Variants in SIPA1L1 observed in about 807,000 individuals in gnomAD.
SIPA1L1 encodes the protein signal-induced proliferation-associated 1-like protein 1.
A neutral mutation model predicts 162.7 loss-of-function variants in SIPA1L1; 26 were observed. The ratio of observed to expected loss-of-function variants is 0.16; its 90% confidence interval spans 0.12 to 0.22. The LOEUF is 0.22. Among genes scored for constraint, SIPA1L1 ranks in the 10% least tolerant of loss-of-function variants. The pLI, the probability that SIPA1L1 is intolerant of heterozygous loss-of-function variation, is 1.00. For synonymous variants in SIPA1L1, 829 were observed against 837.4 expected (o/e 0.99, Z 0.17); for missense variants, 1,874 against 2,241.0 (o/e 0.84, Z 3.31).
chr14:71,391,374 G>C (rs993896378), intron 2 of SIPA1L1, among the ~76,000 whole-genome samples: 1 of 152,100 alleles, frequency 6.6e-6, no homozygotes, highest in Non-Finnish European at 1.5e-5. Context: ...CAAAGTGCTG[G>C]GATTACAGGC....
intron 2 of SIPA1L1, among the ~76,000 whole-genome samples, chr14:71,336,469 T>C (rs2035102358): frequency 6.6e-6 from 1 of 152,338 alleles, no homozygotes; most frequent in Non-Finnish European, 1.5e-5. Context: ...ATACAATATT[T>C]TGTGTTTTGT....
chr14:71,652,327 A>G (rs981562645), intron 8 of SIPA1L1, among the ~76,000 whole-genome samples: 1 of 152,200 alleles, frequency 6.6e-6, no homozygotes, highest in East Asian at 1.9e-4. Flanking sequence ...TACTAGAGAT[A>G]AGACTTCGTT....
intron 2 of SIPA1L1, among the ~76,000 whole-genome samples, chr14:71,367,862 C>T (rs925753737): frequency 6.6e-6 from 1 of 151,320 alleles, no homozygotes; most frequent in Non-Finnish European, 1.5e-5. Flanking sequence ...CTGCATCGGC[C>T]TCCCAAAGTG....
intron 2 of SIPA1L1, among the ~76,000 whole-genome samples, chr14:71,481,665 C>T (rs973387207): frequency 3.3e-5 from 5 of 152,132 alleles, no homozygotes; most frequent in African/African-American, 7.2e-5. Flanking sequence ...AAAACAACTA[C>T]GTGGTCTAAA....
intron 7 of SIPA1L1, among the ~76,000 whole-genome samples, chr14:71,637,051 TAA>T (rs199901513): frequency 6.6e-5 from 8 of 121,220 alleles, no homozygotes; most frequent in Non-Finnish European, 7.0e-5. Context: ...ACTCCATCTT[TAA>T]AAAAAAAAAA....
chr14:71,461,205 C>T (rs2046576728), intron 2 of SIPA1L1, among the ~76,000 whole-genome samples: 1 of 152,184 alleles, frequency 6.6e-6, no homozygotes, highest in Non-Finnish European at 1.5e-5. Flanking sequence ...TATAATCAAC[C>T]TGCCACTAGG....
chr14:71,542,106 G>T (rs761213259), intron 4 of SIPA1L1, among the ~76,000 whole-genome samples: 3 of 151,946 alleles, frequency 2.0e-5, no homozygotes, highest in Non-Finnish European at 4.4e-5. Context: ...TAGAAATAGG[G>T]TCTTACTCTA....
chr14:71,731,150 T>G (rs760816014), intron 20 of SIPA1L1, among the ~76,000 whole-genome samples: 18 of 152,238 alleles, frequency 1.2e-4, no homozygotes, highest in African/African-American at 2.2e-4. Context: ...ATGTTTCTTT[T>G]CCTTCTGCTG....
At chr14:71,376,155 T>C (rs2039350529) in intron 2 of SIPA1L1, among the ~76,000 whole-genome samples, 1 of 152,174 alleles carries the variant, frequency 6.6e-6, no homozygotes. Flanking sequence ...AGTGAAATCA[T>C]ATGGACTTAG....
intron 4 of SIPA1L1, among the ~76,000 whole-genome samples, chr14:71,576,313 G>T (rs1051502289): frequency 6.6e-6 from 1 of 152,216 alleles, no homozygotes; most frequent in Non-Finnish European, 1.5e-5. Flanking sequence ...GGGTCTTCAT[G>T]TACAAACTGC....
chr14:71,515,174 C>G (rs1247564309), intron 3 of SIPA1L1, among the ~76,000 whole-genome samples: 1 of 152,110 alleles, frequency 6.6e-6, no homozygotes, highest in Non-Finnish European at 1.5e-5. Flanking sequence ...GAATTCAGGC[C>G]AAATACACAG....
At chr14:71,358,383 T>C (rs762049495) in intron 2 of SIPA1L1, among the ~76,000 whole-genome samples, 1 of 152,240 alleles carries the variant, frequency 6.6e-6, no homozygotes, top group African/African-American at 2.4e-5. Flanking sequence ...CTCTGGGTTG[T>C]TTATAAATTT....
chr14:71,601,817 T>C (rs1397670178), intron 5 of SIPA1L1, among the ~76,000 whole-genome samples: 1 of 152,128 alleles, frequency 6.6e-6, no homozygotes, highest in African/African-American at 2.4e-5. Context: ...CTTGATAGGT[T>C]GTATGTGTCC....
intron 22 of SIPA1L1, among the ~76,000 whole-genome samples, chr14:71,737,711 A>G (rs1287367068): frequency 6.6e-6 from 1 of 152,212 alleles, no homozygotes; most frequent in Non-Finnish European, 1.5e-5. Flanking sequence ...GGCTAACAAG[A>G]TACTTAGACC....
chr14:71,654,254 T>A (rs1409930055), intron 8 of SIPA1L1, among the ~76,000 whole-genome samples: 2 of 152,218 alleles, frequency 1.3e-5, no homozygotes, highest in Non-Finnish European at 2.9e-5. Flanking sequence ...AATTCTGCAA[T>A]GAAGAAATTT....
intron 2 of SIPA1L1, among the ~76,000 whole-genome samples, chr14:71,356,590 A>C (rs1423338208): frequency 6.8e-6 from 1 of 147,834 alleles, no homozygotes; most frequent in Non-Finnish European, 1.5e-5. Context: ...AAAAAAAAGC[A>C]CACCTGTTGT....
At chr14:71,491,178 GA>G (rs1239551392) in intron 2 of SIPA1L1, among the ~76,000 whole-genome samples, 2 of 152,144 alleles carry the variant, frequency 1.3e-5, no homozygotes, top group African/African-American at 4.8e-5. Flanking sequence ...TGATTTTCAA[GA>G]GTCTCTTTAA....
At chr14:71,543,917 TATATC>T (rs1305627461) in intron 4 of SIPA1L1, among the ~76,000 whole-genome samples, 15 of 149,176 alleles carry the variant, frequency 1.0e-4, no homozygotes, top group South Asian at 2.1e-4. Flanking sequence ...TATATATACA[TATATC>T]ATACGTATAT....
intron 7 of SIPA1L1, among the ~76,000 whole-genome samples, chr14:71,646,178 CTTTT>C (rs756484967): frequency 1.4e-5 from 2 of 142,074 alleles, no homozygotes. Context: ...TTTCTTTCTA[CTTTT>C]TTTTTTTTTT....
Sources: allele counts gnomAD v4.1 joint callset (sites outside exome capture counted in the v4.1 genomes callset), GRCh38; gene constraint gnomAD v4.1.1; transcripts MANE v1.5; gene names NCBI Gene and HGNC (gene_info 2026-07-23, HGNC 2026-07-21).